CNTN5: variants seen among roughly 807,000 people sequenced by gnomAD.
CNTN5 encodes the protein contactin-5.
A neutral mutation model predicts 129.1 loss-of-function variants in CNTN5; 77 were observed. The observed-to-expected ratio is 0.60, with a 90% CI of 0.50 to 0.72. The LOEUF (loss-of-function observed/expected upper bound fraction) is 0.72. CNTN5 is among the 30% of genes least tolerant of loss of function. The pLI is 0.00. For missense variants in CNTN5, 1,478 were observed against 1,328.8 expected (o/e 1.11, Z -1.75); for synonymous variants, 509 against 465.6 (o/e 1.09, Z -1.20).
At chr11:99,763,180 A>G (rs1944645404) in intron 3 of CNTN5, among the ~76,000 whole-genome samples, 1 of 152,100 alleles carries the variant, frequency 6.6e-6, no homozygotes, top group South Asian at 2.1e-4. Flanking sequence ...ATGTATTTGT[A>G]ATTATTTGAA....
intron 3 of CNTN5, among the ~76,000 whole-genome samples, chr11:99,589,143 G>A (rs760405027): frequency 2.6e-5 from 4 of 152,156 alleles, no homozygotes; most frequent in African/African-American, 4.8e-5. Flanking sequence ...AATACAAGGG[G>A]ATGACTTTGA....
At chr11:99,267,464 T>C (rs979298373) in intron 1 of CNTN5, among the ~76,000 whole-genome samples, 17 of 152,154 alleles carry the variant, frequency 1.1e-4, no homozygotes, top group African/African-American at 3.9e-4. Flanking sequence ...AATTCAAAAA[T>C]GTAACACTTA....
intron 13 of CNTN5, among the ~76,000 whole-genome samples, chr11:100,162,205 G>T (rs1250812078): frequency 6.6e-6 from 1 of 151,812 alleles, no homozygotes; most frequent in Non-Finnish European, 1.5e-5. Context: ...AGCATTAAAT[G>T]AACTAACCGC....
At chr11:99,505,322 G>A (rs1946578129) in intron 2 of CNTN5, among the ~76,000 whole-genome samples, 1 of 152,122 alleles carries the variant, frequency 6.6e-6, no homozygotes, top group Non-Finnish European at 1.5e-5. Context: ...GTACAAATTT[G>A]GGATATAAGA....
chr11:99,225,335 T>C (rs1184937125), intron 1 of CNTN5, among the ~76,000 whole-genome samples: 1 of 152,166 alleles, frequency 6.6e-6, no homozygotes, highest in Non-Finnish European at 1.5e-5. Flanking sequence ...TGGTTACCGC[T>C]GGAAAGGCTA....
chr11:99,773,918 G>GC (rs1179384212), intron 3 of CNTN5, among the ~76,000 whole-genome samples: 1 of 151,952 alleles, frequency 6.6e-6, no homozygotes, highest in Non-Finnish European at 1.5e-5. Flanking sequence ...TGGTTTCCTA[G>GC]CAACTATTGC....
intron 9 of CNTN5, among the ~76,000 whole-genome samples, chr11:100,013,875 A>G (rs1158497003): frequency 6.6e-6 from 1 of 152,180 alleles, no homozygotes; most frequent in Non-Finnish European, 1.5e-5. Context: ...ACAATACTCA[A>G]TTTTTAAATC....
At chr11:99,536,754 T>C (rs10790781) in intron 2 of CNTN5, among the ~76,000 whole-genome samples, 41,843 of 150,814 alleles carry the variant, frequency 0.28, 6,066 homozygotes, top group Non-Finnish European at 0.31. Flanking sequence ...CTCTGTTTTA[T>C]GGATGAGAAA....
intron 2 of CNTN5, among the ~76,000 whole-genome samples, chr11:99,490,615 G>A (rs1368670819): frequency 6.6e-6 from 1 of 152,124 alleles, no homozygotes; most frequent in Non-Finnish European, 1.5e-5. Flanking sequence ...AGGCTCAGAA[G>A]GTGAAGTAGG....
chr11:100,206,501 C>A (rs1948915219), intron 15 of CNTN5, among the ~76,000 whole-genome samples: 1 of 151,998 alleles, frequency 6.6e-6, no homozygotes. Context: ...CAAATTAAAT[C>A]CAGGGATAAA....
intron 2 of CNTN5, among the ~76,000 whole-genome samples, chr11:99,350,123 T>C (rs896863321): frequency 1.3e-5 from 2 of 152,222 alleles, no homozygotes; most frequent in Non-Finnish European, 2.9e-5. Flanking sequence ...AGGAGTTTTA[T>C]TTTTAACACT....
intron 3 of CNTN5, among the ~76,000 whole-genome samples, chr11:99,583,095 AC>A (rs1417954637): frequency 2.0e-5 from 3 of 152,138 alleles, no homozygotes; most frequent in African/African-American, 7.2e-5. Context: ...TCCACTCTAG[AC>A]CCTGTTTGCC....
chr11:99,382,790 C>T (rs956914095), intron 2 of CNTN5, among the ~76,000 whole-genome samples: 2 of 145,470 alleles, frequency 1.4e-5, no homozygotes, highest in East Asian at 4.1e-4. Context: ...GTGTTTCATT[C>T]GCACACAAGT....
intron 21 of CNTN5, among the ~76,000 whole-genome samples, chr11:100,319,174 ATGGAGTCTCGCTCTATTGCCCAGGC>A: frequency 7.3e-6 from 1 of 136,396 alleles, no homozygotes; most frequent in East Asian, 2.2e-4. Context: ...TTTTTTTGAG[ATGGAGTCTCGCTCTATTGCCCAGGC>A]TGGAGTGCCA....
At chr11:99,125,765 A>G (rs1012105656) in intron 1 of CNTN5, among the ~76,000 whole-genome samples, 1 of 152,200 alleles carries the variant, frequency 6.6e-6, no homozygotes, top group African/African-American at 2.4e-5. Context: ...CTTGCATAAA[A>G]AATACATTAT....
At chr11:99,122,249 T>A (rs959258078) in intron 1 of CNTN5, among the ~76,000 whole-genome samples, 10 of 152,146 alleles carry the variant, frequency 6.6e-5, no homozygotes, top group Non-Finnish European at 1.5e-4. Context: ...GTTGTCATAG[T>A]TTATTAAACC....
At chr11:99,634,557 C>T (rs1951480535) in intron 3 of CNTN5, among the ~76,000 whole-genome samples, 2 of 152,142 alleles carry the variant, frequency 1.3e-5, no homozygotes, top group African/African-American at 4.8e-5. Flanking sequence ...ATACTTAGTA[C>T]TTGATTCTGT....
At chr11:99,099,393 G>A (rs1023125075) in intron 1 of CNTN5, among the ~76,000 whole-genome samples, 3 of 151,930 alleles carry the variant, frequency 2.0e-5, no homozygotes, top group Non-Finnish European at 4.4e-5. Flanking sequence ...AAATACCTGG[G>A]TATTGATATC....
rs984035666 is a variant in CNTN5 at position 99,519,423 on chromosome 11, G to A, written c.-70-36722G>A. On this transcript the variant is annotated intron_variant, in intron 2 of 24. Coordinates refer to ENST00000524871, the MANE Select transcript of CNTN5 (RefSeq NM_014361.4). Reference sequence around the variant, plus strand: ...ATTTAATTAATGTCTCTACACTAAAGTATAATTTTTGTGAATGTGGGGATA... The same window carrying A: ...ATTTAATTAATGTCTCTACACTAAAATATAATTTTTGTGAATGTGGGGATA... Among the ~76,000 whole-genome samples, 3 of 152,150 alleles carry A rather than the reference G, an allele frequency of 2.0e-5. No individual in the cohort carries two copies. In the South Asian group the frequency reaches 6.2e-4, roughly 32 times the overall value.
Sources: allele counts gnomAD v4.1 joint callset (sites outside exome capture counted in the v4.1 genomes callset), GRCh38; gene constraint gnomAD v4.1.1; transcripts MANE v1.5; gene names NCBI Gene and HGNC (gene_info 2026-07-23, HGNC 2026-07-21).